ANAPC5: variants seen among roughly 807,000 people sequenced by gnomAD.
ANAPC5 encodes the protein anaphase promoting complex subunit 5.
In ANAPC5, 60 loss-of-function variants were observed where a neutral mutation model predicts 91.3. The observed-to-expected ratio is 0.66, with a 90% confidence interval of 0.53 to 0.81. ANAPC5 has a LOEUF of 0.81. Among genes scored for constraint, ANAPC5 ranks in the 40% least tolerant of loss-of-function variants. The probability of loss-of-function intolerance (pLI) is 0.00; values close to 1 mark genes in which losing one functional copy is unlikely to be tolerated. For missense variants in ANAPC5, 690 were observed against 931.5 expected (o/e 0.74, Z 3.37); for synonymous variants, 340 against 364.1 (o/e 0.93, Z 0.75).
chr12:121,333,330 A>T (rs934127771), intron 7 of ANAPC5: 2 of 152,204 alleles, frequency 1.3e-5, no homozygotes, highest in South Asian at 2.1e-4. Flanking sequence ...AAAAACAAAT[A>T]AATTAATTAA....
intron 1 of ANAPC5, among the ~76,000 whole-genome samples, chr12:121,350,360 C>T (rs545555640): frequency 3.9e-5 from 6 of 152,180 alleles, no homozygotes; most frequent in Non-Finnish European, 8.8e-5. Context: ...AATGCTTATC[C>T]ATCAAGGCAC....
At chr12:121,336,547 C>T (rs957818890) in intron 6 of ANAPC5, among the ~76,000 whole-genome samples, 2 of 152,004 alleles carry the variant, frequency 1.3e-5, no homozygotes, top group Admixed American at 1.3e-4. Flanking sequence ...AGCATTGTGG[C>T]GTGTGCCTGT....
chr12:121,320,091 G>A (rs1902536220), intron 12 of ANAPC5, among the ~76,000 whole-genome samples: 1 of 152,140 alleles, frequency 6.6e-6, no homozygotes, highest in Non-Finnish European at 1.5e-5. Context: ...GAAGTCCTTT[G>A]CAAATTCTAC....
Position 121,328,312 on chromosome 12 carries a change from C to G in ANAPC5, c.1304+4G>C. ...TCACACCCCCAGGGCCTTGGGAGAC[C>G]TACCTGCGGCCATACAGCCTCCAGA... On this transcript the variant is annotated splice_donor_region_variant and intron_variant, in intron 10 of 16. Transcript: ENST00000261819. 6.2e-7 allele frequency: 1 copy of G among 1,613,368 alleles called. No individual in the cohort carries two copies. The highest frequency in any genetic ancestry group is 1.3e-5 in the African/African-American group (1 of 74,948).
At chr12:121,349,243 C>A (rs1192268474) in intron 1 of ANAPC5, among the ~76,000 whole-genome samples, 3 of 152,172 alleles carry the variant, frequency 2.0e-5, no homozygotes, top group Admixed American at 6.5e-5. Context: ...ACTAGATGAA[C>A]TCTACATACA....
intron 11 of ANAPC5, among the ~76,000 whole-genome samples, chr12:121,321,734 T>C (rs1260256799): frequency 6.6e-6 from 1 of 151,586 alleles, no homozygotes. Context: ...GGCAGTGTTT[T>C]GCCATGTTGG....
In ANAPC5 at chr12:121,342,064, T is replaced by C; in HGVS notation, c.596A>G (p.Glu199Gly). ...CAGAGGCCCACTGCAAGATACCTCC[T>C]CTTCTCTGGAAAAAATAAAAAAACA... The part of the protein sequence containing the change: ...KEELDVSVRE[E>G]EVSCSGPLSQ... Residue 199 changes from glutamate to glycine, a missense_variant, in exon 5 of 17, where the codon GAG (glutamate) becomes GGG (glycine). Glu to Gly is a moderately conservative substitution (Grantham distance 98). Transcript: ENST00000261819. The surrounding 1 kb of genome is among the most constrained non-coding windows in gnomAD (Gnocchi z 4.1). 1 of 1,599,638 alleles carries C rather than the reference T, an allele frequency of 6.3e-7. No homozygotes were observed. The highest frequency in any genetic ancestry group is 1.8e-5 in the Admixed American group (1 of 56,980).
In ANAPC5 at chr12:121,308,448, C is replaced by T. The variant is rs760044471; in HGVS notation, c.*32G>A. ...ACATGAACAAGTCCAAAATCTTATA[C>T]TCTGCACAGCAGCCCAGCAGGGATG... On this transcript the variant is annotated 3_prime_UTR_variant, in exon 17 of 17. Coordinates refer to ENST00000261819, the MANE Select transcript of ANAPC5 (RefSeq NM_016237.5). 3.1e-6 allele frequency: 5 copies of T among 1,599,026 alleles called. No homozygotes were observed. Among genetic ancestry groups the T allele is most frequent in the African/African-American group, 1.3e-5 (1 of 74,572 alleles).
At chr12:121,343,569 C>T (rs550869910) in intron 4 of ANAPC5, among the ~76,000 whole-genome samples, 3 of 152,286 alleles carry the variant, frequency 2.0e-5, no homozygotes, top group African/African-American at 7.2e-5. Flanking sequence ...TGTTGTCTTT[C>T]CACCAGACAA....
rs1555274753 is a variant in ANAPC5 at position 121,346,936 on chromosome 12, G to A, written c.357C>T (p.Phe119=). ...EQFFDDLSDS[F]SGTEPEVHKT... ...TGTGAACCTCTGGTTCAGTTCCAGA[G>A]AAAGAATCTGAAAGGTCATCAAAAA... The change falls in exon 3 of 17, where the codon TTC becomes TTT. Residue 119 remains phenylalanine, a synonymous_variant. Coordinates refer to ENST00000261819, the MANE Select transcript of ANAPC5 (RefSeq NM_016237.5). 1.2e-6 allele frequency: 2 copies of A among 1,611,924 alleles called. No homozygotes were observed. The highest frequency in any genetic ancestry group is 1.7e-5 in the Admixed American group (1 of 59,454).
intron 5 of ANAPC5, among the ~76,000 whole-genome samples, chr12:121,338,783 C>T (rs1211297988): frequency 6.6e-6 from 1 of 151,962 alleles, no homozygotes; most frequent in African/African-American, 2.4e-5. Flanking sequence ...ATATATGTTA[C>T]ATATCATATT....
rs569311798 is a variant in ANAPC5, at chr12:121,342,754, G to T, written c.591-685C>A. Among the ~76,000 whole-genome samples, 30 of 152,228 alleles carry T rather than the reference G, an allele frequency of 2.0e-4. No homozygotes were observed. The highest frequency in any genetic ancestry group is 6.0e-4 in the African/African-American group (25 of 41,540). Reference sequence around the variant, plus strand: ...CGTGCCTGTAGTCCCAGCTACTCAGGAGGCTGAGGCAGAAAAATTGTTTGA... The same window carrying T: ...CGTGCCTGTAGTCCCAGCTACTCAGTAGGCTGAGGCAGAAAAATTGTTTGA... On this transcript the variant is annotated intron_variant, in intron 4 of 16. Transcript: ENST00000261819. The surrounding 1 kb of genome is among the most constrained non-coding windows in gnomAD (Gnocchi z 4.1).
intron 1 of ANAPC5, among the ~76,000 whole-genome samples, chr12:121,351,372 C>CA (rs1247566689): frequency 2.6e-5 from 4 of 151,498 alleles, no homozygotes; most frequent in Admixed American, 6.6e-5. Flanking sequence ...GACCCTGTCT[C>CA]AAAAAAATAA....
chr12:121,322,144 G>A (rs563045060), intron 11 of ANAPC5, among the ~76,000 whole-genome samples: 7 of 148,634 alleles, frequency 4.7e-5, no homozygotes, highest in Non-Finnish European at 8.9e-5. Flanking sequence ...GATTACAGGC[G>A]TGAGCCACCG....
At chr12:121,331,742 A>C (rs1903050107) in intron 7 of ANAPC5, 1 of 179,680 alleles carries the variant, frequency 5.6e-6, no homozygotes, top group African/African-American at 2.3e-5. Flanking sequence ...AGAGGATATA[A>C]TATTTTACTT....
intron 11 of ANAPC5, among the ~76,000 whole-genome samples, chr12:121,325,357 G>A (rs1902767477): frequency 6.6e-6 from 1 of 152,014 alleles, no homozygotes; most frequent in Non-Finnish European, 1.5e-5. Flanking sequence ...CAGCTACCTG[G>A]GAGGCTGAGG....
chr12:121,337,468 C>A (rs1555273622), intron 5 of ANAPC5, 76 bp from the exon 6 acceptor site: 2 of 1,136,194 alleles, frequency 1.8e-6, no homozygotes, highest in Middle Eastern at 4.7e-4. Flanking sequence ...ACTAGCATCA[C>A]CTGATTATTT....
intron 10 of ANAPC5, chr12:121,328,063 T>C (rs973551236): frequency 2.8e-5 from 11 of 397,534 alleles, no homozygotes; most frequent in Non-Finnish European, 4.1e-5. Flanking sequence ...CCTGGTTTAC[T>C]CTCCCAGCAT....
chr12:121,318,948 A>G (rs1902483351), intron 13 of ANAPC5, among the ~76,000 whole-genome samples: 1 of 152,070 alleles, frequency 6.6e-6, no homozygotes, highest in Non-Finnish European at 1.5e-5. Flanking sequence ...TGAACCCAGG[A>G]GGCAGAGATT....
Sources: gnomAD v4.1 joint callset for allele counts (sites outside exome capture counted in the v4.1 genomes callset) on GRCh38, gnomAD v4.1.1 for gene constraint, Gnocchi (gnomAD v3.1) non-coding constraint, MANE v1.5 for transcripts, NCBI Gene and HGNC (gene_info 2026-07-23, HGNC 2026-07-21) for gene names.